The following MYO1F variants were observed in gnomAD, a reference collection of about 807,000 sequenced individuals.
The protein encoded by MYO1F is unconventional myosin-If.
In MYO1F, 60 loss-of-function variants were observed where a neutral mutation model predicts 146.6. The ratio of observed to expected loss-of-function variants is 0.41; its 90% CI spans 0.33 to 0.51. The LOEUF is 0.51. Among genes scored for constraint, MYO1F ranks in the 20% least tolerant of loss-of-function variants. The probability of loss-of-function intolerance (pLI) is 0.25; values close to 1 mark genes in which losing one functional copy is unlikely to be tolerated. For missense variants in MYO1F, 1,274 were observed against 1,534.3 expected (o/e 0.83, Z 2.83); for synonymous variants, 602 against 602.1 (o/e 1.00, Z 0.00).
At chr19:8,529,733 G>A (rs1182087931) in intron 21 of MYO1F, 2 of 307,224 alleles carry the variant, frequency 6.5e-6, no homozygotes, top group African/African-American at 2.2e-5. Context: ...AGGTGAGGGT[G>A]TATCTGACAG....
chr19:8,568,436 A>AAAAAAAAAAAAAAAAAAAAAAG (rs2042048371), intron 1 of MYO1F, among the ~76,000 whole-genome samples: 1 of 151,146 alleles, frequency 6.6e-6, no homozygotes, highest in African/African-American at 2.4e-5. Flanking sequence ...AAAAAAAAAA[A>AAAAAAAAAAAAAAAAAAAAAAG]AAAAAAAAAT....
chr19:8,530,355 G>A lies in MYO1F; in HGVS notation c.2169C>T (p.Ile723=). Residue 723 remains isoleucine, a synonymous_variant, in exon 21 of 28, where the codon ATC becomes ATT. Transcript: ENST00000644032. This position sits in a 1 kb window ranked among gnomAD's most constrained non-coding sequence, Gnocchi z 5.8. ...YEEMREEASN[I]LLNKKERRRN... is the part of the protein sequence containing the mutation. ...GCCTCCGCTCCTTCTTGTTCAGCAG[G>A]ATGTTGGAAGCTGCGGGGACAGAGG... 6.2e-7 allele frequency: 1 copy of A among 1,614,138 alleles called. No homozygotes were observed. The highest frequency in any genetic ancestry group is 1.7e-4 in the Middle Eastern group (1 of 6,060).
At chr19:8,575,249 G>A (rs2146003754) in intron 1 of MYO1F, among the ~76,000 whole-genome samples, 1 of 151,426 alleles carries the variant, frequency 6.6e-6, no homozygotes, top group East Asian at 1.9e-4. Flanking sequence ...GCTCATTTTT[G>A]TATTTTTAGG....
rs542724579 is a variant in MYO1F, at chr19:8,529,329, C to T, written c.2328+867G>A. On this transcript the variant is annotated intron_variant, in intron 21 of 27. Transcript: ENST00000644032. ...AGTGTGTACCTGGCCCGCCCAGGTA[C>T]AGGTGACGGTAAACAGGCCAAGTCT... Among the ~76,000 whole-genome samples, 16 of 152,060 alleles carry T rather than the reference C, an allele frequency of 1.1e-4. No individual in the cohort carries two copies. The South Asian group carries it at 1.2e-3, about 12-fold the overall frequency.
intron 14 of MYO1F, 163 bp downstream of exon 14, chr19:8,544,134 T>G: frequency 5.5e-6 from 4 of 732,728 alleles, no homozygotes; most frequent in Non-Finnish European, 9.1e-6. Context: ...GTAGTTCTGG[T>G]TAGTAGGGGG....
At chr19:8,536,635 G>A (rs775694491) in intron 17 of MYO1F, 38 bp from the exon 18 acceptor site, 2 of 649,216 alleles carry the variant, frequency 3.1e-6, no homozygotes, top group African/African-American at 4.2e-5. Context: ...TCGGGGTGGG[G>A]AGTCACCAGT....
intron 12 of MYO1F, 45 bp downstream of exon 12, chr19:8,547,991 A>G: frequency 2.3e-6 from 1 of 435,420 alleles, no homozygotes; most frequent in African/African-American, 3.1e-5. Context: ...CTTCCACCCC[A>G]CCCCCACCCC....
Position 8,577,418 on chromosome 19 carries a change from G to T in MYO1F, c.-109C>A. The T allele has an allele frequency of 7.9e-7, 1 of 1,263,364 alleles. No individual in the cohort carries two copies. The allele number at this position is 1,263,364 out of a possible 1,614,324, so 78.3% of individuals were successfully genotyped here. A position where few individuals can be genotyped will look rare whatever the true frequency, so the allele number is the denominator to read the frequency against. The stretch of plus-strand genomic sequence containing the variant: ...CTTGGGCATGGCCCTGCTTCTGCCC[G>T]TTCACCGGACTCCCGGCTTTAGTTC... On this transcript the variant is annotated 5_prime_UTR_variant, in exon 1 of 28. Transcript: ENST00000644032. This position sits in a 1 kb window ranked among gnomAD's most constrained non-coding sequence, Gnocchi z 4.3.
chr19:8,531,128 G>A (rs113576178), intron 19 of MYO1F, among the ~76,000 whole-genome samples: 1 of 151,750 alleles, frequency 6.6e-6, no homozygotes, highest in African/African-American at 2.4e-5. Flanking sequence ...CGGGAAGATC[G>A]CCTGAGGTCG....
chr19:8,524,925 C>T (rs552126102), intron 25 of MYO1F, among the ~76,000 whole-genome samples: 3 of 152,156 alleles, frequency 2.0e-5, no homozygotes, highest in South Asian at 2.1e-4. Flanking sequence ...GGCCAGGCGC[C>T]GTAGCTCATG....
intron 19 of MYO1F, among the ~76,000 whole-genome samples, chr19:8,533,765 A>G (rs1188955670): frequency 6.6e-6 from 1 of 152,188 alleles, no homozygotes; most frequent in African/African-American, 2.4e-5. Flanking sequence ...GTGTTAAGCC[A>G]TGGAGTTTGT....
At chr19:8,571,014 A>G (rs1211755609) in intron 1 of MYO1F, among the ~76,000 whole-genome samples, 1 of 152,218 alleles carries the variant, frequency 6.6e-6, no homozygotes, top group Non-Finnish European at 1.5e-5. Flanking sequence ...CACTGTCCCC[A>G]TCAATGGTGG....
chr19:8,558,627 C>T (rs1568365884), intron 1 of MYO1F, among the ~76,000 whole-genome samples: 1 of 152,222 alleles, frequency 6.6e-6, no homozygotes, highest in South Asian at 2.1e-4. Flanking sequence ...TGTCTCTATT[C>T]AACACATCTC....
At chr19:8,544,032 G>A in intron 14 of MYO1F, 1 of 537,048 alleles carries the variant, frequency 1.9e-6, no homozygotes, top group Non-Finnish European at 3.2e-6. Context: ...GGCGGTGGCG[G>A]TGGCGGTGCT....
At chr19:8,560,509 A>G (rs1303586720) in intron 1 of MYO1F, among the ~76,000 whole-genome samples, 1 of 151,104 alleles carries the variant, frequency 6.6e-6, no homozygotes, top group Non-Finnish European at 1.5e-5. Context: ...AAAAAAAAGA[A>G]CAGGTTCTTG....
rs1972220681 is a variant in MYO1F, at chr19:8,525,343, T to C, written c.2854+136A>G. The stretch of plus-strand genomic sequence containing the variant: ...AGTTTAGCCTTTATTCTGCGGGAGA[T>C]GTGGAGCTACGGAGAGTCCTGGACA... On this transcript the variant is annotated intron_variant, in intron 25 of 27. Transcript: ENST00000644032. 6 of 763,660 alleles carry C rather than the reference T, an allele frequency of 7.9e-6. No homozygotes were observed. In the Admixed American group the frequency reaches 9.1e-5, roughly 12 times the overall value. The allele number at this position is 763,660 out of a possible 1,614,324, so 47.3% of individuals were successfully genotyped here. A position where few individuals can be genotyped will look rare whatever the true frequency, so the allele number is the denominator to read the frequency against.
In MYO1F at chr19:8,521,515, C is replaced by A; in HGVS notation, c.*13G>T. On this transcript the variant is annotated 3_prime_UTR_variant, in exon 28 of 28. Coordinates refer to ENST00000644032, the MANE Select transcript of MYO1F (RefSeq NM_012335.4). ...AGGCGGGCGAAAGAGAAGGCAGTAT[C>A]CCAGGGCCCAGCTCAGATCTTCTCC... 6.2e-7 allele frequency: 1 copy of A among 1,613,056 alleles called. No homozygotes were observed. Among genetic ancestry groups the A allele is most frequent in the Non-Finnish European group, 8.5e-7 (1 of 1,179,568 alleles).
intron 3 of MYO1F, 24 bp downstream of exon 3, chr19:8,554,630 C>T: frequency 6.2e-7 from 1 of 1,611,820 alleles, no homozygotes; most frequent in Non-Finnish European, 8.5e-7. Context: ...GGGGGCTGTG[C>T]CTCCCACCCA....
chr19:8,526,625 G>T (rs913252026), intron 23 of MYO1F, 24 bp from the exon 24 acceptor site: 1 of 1,575,494 alleles, frequency 6.3e-7, no homozygotes, highest in African/African-American at 1.3e-5. Flanking sequence ...AGAAAGCTTG[G>T]GGGCGCTGGC....
Sources: allele counts gnomAD v4.1 joint callset (sites outside exome capture counted in the v4.1 genomes callset), GRCh38; gene constraint gnomAD v4.1.1; non-coding constraint Gnocchi (gnomAD v3.1); transcripts MANE v1.5; gene names NCBI Gene and HGNC (gene_info 2026-07-23, HGNC 2026-07-21).